Variants in KMT2E observed in about 807,000 individuals in gnomAD.
KMT2E encodes the protein lysine methyltransferase 2E (inactive).
KMT2E carries 30 observed loss-of-function variants against 184.6 expected under a neutral mutation model. The ratio of observed to expected loss-of-function variants is 0.16; its 90% CI spans 0.12 to 0.22. The LOEUF (loss-of-function observed/expected upper bound fraction) is 0.22, where lower values mean the gene tolerates loss of function less well. Among genes scored for constraint, KMT2E ranks in the 10% least tolerant of loss-of-function variants. KMT2E has a pLI of 1.00. For synonymous variants in KMT2E, 815 were observed against 776.5 expected, an observed-to-expected ratio of 1.05 and a Z score of -0.82; for missense variants, 2,023 against 2,237.4, an observed-to-expected ratio of 0.90 and a Z score of 1.93.
intron 3 of KMT2E, among the ~76,000 whole-genome samples, chr7:105,053,146 G>T (rs539943736): frequency 1.4e-4 from 21 of 151,978 alleles, no homozygotes; most frequent in African/African-American, 5.1e-4. Context: ...TTTTTAAGTC[G>T]CGGTTTTGGT....
intron 3 of KMT2E, among the ~76,000 whole-genome samples, chr7:105,057,565 C>T (rs540925805): frequency 1.3e-5 from 2 of 152,204 alleles, no homozygotes; most frequent in East Asian, 3.9e-4. Context: ...TTGCTTCAGC[C>T]TCCTGAGTAG....
chr7:105,102,009 G>A lies in KMT2E; in HGVS notation c.2011G>A (p.Val671Ile). The change falls in exon 17 of 27, where the codon GTC (valine) becomes ATC (isoleucine). Residue 671 changes from valine (V) to isoleucine (I), a missense_variant. Around this residue, in one of 8 missense-constraint regions of KMT2E, gnomAD observed 514 missense variants for 621.8 expected, o/e 0.83. Coordinates refer to ENST00000311117, the MANE Select transcript of KMT2E (RefSeq NM_182931.3). ...IGQQRRRHRT[V>I]SMCSDIQPSS... ...ACAGCAGCGTCGGAGACACAGAACT[G>A]TCAGCATGTGTTCAGATATCCAGCC... 3.1e-6 allele frequency: 5 copies of A among 1,613,878 alleles called. No individual in the cohort carries two copies. The South Asian group carries it at 3.3e-5, about 11-fold the overall frequency.
At chr7:105,062,320 AG>A (rs1796849629) in intron 4 of KMT2E, 42 bp downstream of exon 4, 2 of 1,344,138 alleles carry the variant, frequency 1.5e-6, no homozygotes, top group Non-Finnish European at 2.1e-6. Context: ...TTTTAAATTT[AG>A]AGATTGAAAG....
intron 17 of KMT2E, 63 bp downstream of exon 17, chr7:105,102,257 GT>G: frequency 7.0e-7 from 1 of 1,422,466 alleles, no homozygotes; most frequent in South Asian, 1.4e-5. Context: ...TTATATTGTT[GT>G]TTTAAAAATT....
intron 3 of KMT2E, among the ~76,000 whole-genome samples, chr7:105,053,934 G>A (rs761849593): frequency 4.0e-5 from 6 of 151,816 alleles, no homozygotes; most frequent in African/African-American, 7.3e-5. Context: ...AGCACTTTGC[G>A]AGCCAAGGTG....
intron 3 of KMT2E, among the ~76,000 whole-genome samples, chr7:105,041,704 T>A (rs1307762066): frequency 1.3e-5 from 2 of 152,198 alleles, no homozygotes; most frequent in Non-Finnish European, 2.9e-5. Context: ...CAGCCGGTGC[T>A]CGGGTATTTT....
At chr7:105,015,894 A>G (rs1794697316) in intron 1 of KMT2E, among the ~76,000 whole-genome samples, 2 of 152,056 alleles carry the variant, frequency 1.3e-5, no homozygotes. Flanking sequence ...CCTGAAAGGC[A>G]AATAAAATGT....
chr7:105,112,201 A>G lies in KMT2E; in HGVS notation c.4445A>G (p.His1482Arg), dbSNP rs773849677. The G allele has an allele frequency of 8.7e-6, 14 of 1,614,040 alleles. No individual in the cohort carries two copies. Among genetic ancestry groups the G allele is most frequent in the Admixed American group, 1.7e-5 (1 of 60,000 alleles). The part of the protein sequence containing the change: ...QQLGSPYRPH[H>R]SQSPQVGTPQ... ...TTAGGATCTCCCTACAGGCCTCATC[A>G]TTCACAGTCACCTCAAGTTGGAACA... The change falls in exon 27 of 27, where the codon CAT becomes CGT. Residue 1482 changes from histidine to arginine, a missense_variant. This residue lies in a region of KMT2E where 1,108 missense variants were observed against 1,050.9 expected (regional missense o/e 1.05). Transcript: ENST00000311117.
intron 1 of KMT2E, among the ~76,000 whole-genome samples, chr7:105,015,188 A>G (rs1413837416): frequency 6.6e-6 from 1 of 152,088 alleles, no homozygotes; most frequent in Non-Finnish European, 1.5e-5. Flanking sequence ...GCCGTCCTTT[A>G]CTGTGCCGGA....
At chr7:105,019,669 A>G (rs1004986663) in intron 1 of KMT2E, among the ~76,000 whole-genome samples, 2 of 152,240 alleles carry the variant, frequency 1.3e-5, no homozygotes, top group African/African-American at 4.8e-5. Flanking sequence ...ATGCAGGTCA[A>G]CGTGATAAGC....
rs546118030 is a variant in KMT2E, at chr7:105,072,465, G to A, written c.498-1154G>A. On this transcript the variant is annotated intron_variant, in intron 6 of 26. Transcript: ENST00000311117. ...TATTTCCTGGTAGACATTAAGGCAAGTCTGTAGAAATTCTAATAATCTAGA... is the reference window on the plus strand; with the variant it reads ...TATTTCCTGGTAGACATTAAGGCAAATCTGTAGAAATTCTAATAATCTAGA... Among the ~76,000 whole-genome samples the A allele has an allele frequency of 2.6e-5, 4 of 152,284 alleles. No individual in the cohort carries two copies. In the East Asian group the frequency reaches 7.7e-4, roughly 29 times the overall value.
chr7:105,023,092 A>G (rs1795019538), intron 1 of KMT2E, among the ~76,000 whole-genome samples: 1 of 152,146 alleles, frequency 6.6e-6, no homozygotes, highest in Non-Finnish European at 1.5e-5. Flanking sequence ...CTTTAAAACT[A>G]TTGCTAAATG....
chr7:105,055,794 A>C (rs941733138), intron 3 of KMT2E, among the ~76,000 whole-genome samples: 1 of 152,176 alleles, frequency 6.6e-6, no homozygotes, highest in Non-Finnish European at 1.5e-5. Flanking sequence ...GCCATTCTTT[A>C]AAACTTGCTT....
chr7:105,062,329 A>G, intron 4 of KMT2E, 51 bp downstream of exon 4: 1 of 1,216,548 alleles, frequency 8.2e-7, no homozygotes, highest in Non-Finnish European at 1.2e-6. Flanking sequence ...TAGAGATTGA[A>G]AGTAGATGCA....
At chr7:105,107,081 T>G (rs1798933089) in intron 20 of KMT2E, 85 bp from the exon 21 acceptor site, 1 of 795,580 alleles carries the variant, frequency 1.3e-6, no homozygotes, top group South Asian at 2.0e-5. Flanking sequence ...CTGTATATTT[T>G]TCATTTTGTT....
At chr7:105,087,411 A>G (rs1240232095) in intron 13 of KMT2E, among the ~76,000 whole-genome samples, 1 of 149,124 alleles carries the variant, frequency 6.7e-6, no homozygotes, top group African/African-American at 2.5e-5. Context: ...ATGAATGCAG[A>G]GGTCTTTTTC....
rs550578822 is a variant in KMT2E, at chr7:105,047,870, T to G, written c.71+6847T>G. The stretch of plus-strand genomic sequence containing the variant: ...CAGATAAAAGGAAAACAACTCTGGT[T>G]GAAATGGAAGTGAAGGGCTTAGAAC... On this transcript the variant is annotated intron_variant, in intron 3 of 26. Transcript: ENST00000311117. Among the ~76,000 whole-genome samples, 3 of 152,340 alleles carry G rather than the reference T, an allele frequency of 2.0e-5. No individual in the cohort carries two copies. In the East Asian group the frequency reaches 5.8e-4, roughly 29 times the overall value.
intron 1 of KMT2E, among the ~76,000 whole-genome samples, chr7:105,028,439 T>A (rs1795261954): frequency 6.6e-6 from 1 of 152,168 alleles, no homozygotes; most frequent in South Asian, 2.1e-4. Flanking sequence ...AGTGCTAGGA[T>A]TACAGGCATG....
chr7:105,096,632 C>T lies in KMT2E; in HGVS notation c.1723-4793C>T, dbSNP rs143248785. Among the ~76,000 whole-genome samples the T allele has an allele frequency of 1.7e-3, 258 of 150,766 alleles. 1 individual carries two copies. The highest frequency in any genetic ancestry group is 5.1e-3 in the African/African-American group (210 of 41,422). Reference sequence around the variant, plus strand: ...TTTCAGTTTTATTCATTGTTGTAGCCCTAGCTCCTAGGGGAATAAAAAATG... The same window carrying T: ...TTTCAGTTTTATTCATTGTTGTAGCTCTAGCTCCTAGGGGAATAAAAAATG... On this transcript the variant is annotated intron_variant, in intron 15 of 26. Transcript: ENST00000311117.
Sources: gnomAD v4.1 joint callset for allele counts (sites outside exome capture counted in the v4.1 genomes callset) on GRCh38, gnomAD v4.1.1 for gene constraint, gnomAD v4.1.1 regional missense constraint, MANE v1.5 for transcripts, NCBI Gene and HGNC (gene_info 2026-07-23, HGNC 2026-07-21) for gene names.